TVP23B: variants seen among roughly 807,000 people sequenced by gnomAD.
The protein encoded by TVP23B is Golgi apparatus membrane protein TVP23 homolog B.
Under a neutral mutation model 30.6 loss-of-function variants are expected in TVP23B, and 10 were observed. That is an observed-to-expected ratio of 0.33 (90% confidence interval 0.20 to 0.55). The LOEUF (loss-of-function observed/expected upper bound fraction) is 0.55. Ranked by LOEUF, TVP23B falls within the 20% of genes least tolerant of loss-of-function variation. TVP23B has a pLI of 0.91. For missense variants in TVP23B, 153 were observed against 243.2 expected (o/e 0.63, Z 2.47); for synonymous variants, 67 against 83.1 (o/e 0.81, Z 1.06).
rs762889436 is a variant in TVP23B, at chr17:18,791,187, G to GTTTTTTTTTTTTTTT, written c.240+158_240+172dup. 5.5e-5 allele frequency: 6 copies of GTTTTTTTTTTTTTTT among 109,204 alleles called. 1 individual carries two copies. The highest frequency in any genetic ancestry group is 4.1e-4 in the Admixed American group (2 of 4,882). 6.8% of individuals were successfully genotyped at this position (109,204 alleles called of 1,614,324 possible). A position where few individuals can be genotyped will look rare whatever the true frequency, so the allele number is the denominator to read the frequency against. On this transcript the variant is annotated intron_variant, in intron 3 of 6. Transcript: ENST00000307767. ...TGCTAGATATATCAAATTGCATGTA[G>GTTTTTTTTTTTTTTT]TTTTTTTTTTTTTTTTTTTTTTTTT...
intron 5 of TVP23B, among the ~76,000 whole-genome samples, chr17:18,801,619 C>A (rs1350641330): frequency 6.6e-6 from 1 of 151,932 alleles, no homozygotes; most frequent in Non-Finnish European, 1.5e-5. Context: ...CTCTTGTCTG[C>A]TGGTTGGCTG....
At chr17:18,785,548 C>T (rs1005117647) in intron 1 of TVP23B, among the ~76,000 whole-genome samples, 16 of 151,884 alleles carry the variant, frequency 1.1e-4, no homozygotes, top group Non-Finnish European at 1.8e-4. Flanking sequence ...AAGAACCTGA[C>T]GGGGCCCAAG....
At chr17:18,802,123 G>A (rs2151852063) in intron 5 of TVP23B, among the ~76,000 whole-genome samples, 2 of 152,326 alleles carry the variant, frequency 1.3e-5, no homozygotes, top group East Asian at 3.9e-4. Flanking sequence ...TCGGGAGGCT[G>A]AGGCAGGAGA....
chr17:18,783,665 A>G (rs2035849357), intron 1 of TVP23B, among the ~76,000 whole-genome samples: 1 of 152,160 alleles, frequency 6.6e-6, no homozygotes, highest in Non-Finnish European at 1.5e-5. Flanking sequence ...ATATTCTTTT[A>G]TGATAATTGG....
chr17:18,791,013 G>T lies in TVP23B; in HGVS notation c.213G>T (p.Leu71Phe). 1.3e-6 allele frequency: 2 copies of T among 1,598,994 alleles called. No homozygotes were observed. The highest frequency in any genetic ancestry group is 8.5e-7 in the Non-Finnish European group (1 of 1,175,824). The change falls in exon 3 of 7, where the codon TTG (leucine) becomes TTT (phenylalanine). Residue 71 changes from leucine to phenylalanine, a missense_variant. By Grantham distance (22) the Leu-to-Phe change is conservative. This residue lies in a region of TVP23B where 53 missense variants were observed against 128.0 expected (regional missense o/e 0.41). Transcript: ENST00000307767. ...FITCMVTIIL[L>F]LSCDFWAVKN... ...CCTGTATGGTGACAATTATCTTGTTGTTGTCGTGTGACTTTTGGGCAGTGA... is the reference window on the plus strand; with the variant it reads ...CCTGTATGGTGACAATTATCTTGTTTTTGTCGTGTGACTTTTGGGCAGTGA...
At chr17:18,785,057 A>G (rs1301261441) in intron 1 of TVP23B, among the ~76,000 whole-genome samples, 1 of 152,162 alleles carries the variant, frequency 6.6e-6, no homozygotes, top group African/African-American at 2.4e-5. Flanking sequence ...AGACCAAGCC[A>G]TTACTTCTTG....
intron 4 of TVP23B, 130 bp downstream of exon 4, chr17:18,797,798 G>A (rs1399296466): frequency 5.7e-6 from 5 of 881,100 alleles, no homozygotes; most frequent in East Asian, 5.5e-5. Context: ...CAGCACTAAA[G>A]GAGATGGCCT....
At chr17:18,781,365 C>T (rs897803789) in intron 1 of TVP23B, 60 bp downstream of exon 1, 12 of 1,552,336 alleles carry the variant, frequency 7.7e-6, no homozygotes, top group Admixed American at 3.9e-5. Context: ...CTGCAGGTTC[C>T]GTGGGACTGG....
Position 18,805,569 on chromosome 17 carries a change from T to A in TVP23B, c.*2T>A. The A allele has an allele frequency of 6.2e-7, 1 of 1,606,652 alleles. No individual in the cohort carries two copies. Among genetic ancestry groups the A allele is most frequent in the South Asian group, 1.1e-5 (1 of 89,660 alleles). ...ACTGGAGATGATCAGACTTCCTGAATAGAGAAAGCTTATGTGCTTTGTTAC... is the reference window on the plus strand; with the variant it reads ...ACTGGAGATGATCAGACTTCCTGAAAAGAGAAAGCTTATGTGCTTTGTTAC... On this transcript the variant is annotated 3_prime_UTR_variant, in exon 7 of 7. Coordinates refer to ENST00000307767, the MANE Select transcript of TVP23B (RefSeq NM_016078.6).
intron 1 of TVP23B, among the ~76,000 whole-genome samples, chr17:18,786,121 C>A (rs1346181766): frequency 1.3e-5 from 2 of 152,212 alleles, no homozygotes; most frequent in Non-Finnish European, 2.9e-5. Flanking sequence ...TCATCACCTT[C>A]TCTCACTGAC....
chr17:18,803,438 A>G (rs2036198372), intron 5 of TVP23B, among the ~76,000 whole-genome samples: 1 of 152,198 alleles, frequency 6.6e-6, no homozygotes, highest in African/African-American at 2.4e-5. Flanking sequence ...AATCCCTCAC[A>G]TTGTCTCAAT....
At chr17:18,805,305 C>T (rs1254968866) in intron 6 of TVP23B, among the ~76,000 whole-genome samples, 1 of 151,898 alleles carries the variant, frequency 6.6e-6, no homozygotes, top group African/African-American at 2.4e-5. Flanking sequence ...AGGATGGTCT[C>T]GATCTCCTGA....
In TVP23B at chr17:18,804,281, G is replaced by A. The variant is rs2036215505; in HGVS notation, c.591+15G>A. On this transcript the variant is annotated intron_variant, in intron 6 of 6. Coordinates refer to ENST00000307767, the MANE Select transcript of TVP23B (RefSeq NM_016078.6). ...TTTTAAGACAAGTAAGTGTTTTCTG[G>A]ATGTGATCAGTGACTAATGCAATTA... is the stretch of plus-strand genomic sequence containing the variant. 1.3e-6 allele frequency: 2 copies of A among 1,596,112 alleles called. No individual in the cohort carries two copies. Among genetic ancestry groups the A allele is most frequent in the African/African-American group, 2.8e-5 (2 of 72,086 alleles).
chr17:18,805,509 GT>G (rs1567639211), intron 6 of TVP23B, 31 bp from the exon 7 acceptor site: 1 of 1,569,380 alleles, frequency 6.4e-7, no homozygotes, highest in Non-Finnish European at 8.6e-7. Context: ...TAACTTTGAT[GT>G]TAAGGAGTTT....
intron 5 of TVP23B, among the ~76,000 whole-genome samples, chr17:18,802,392 G>C (rs550195505): frequency 6.6e-6 from 1 of 151,992 alleles, no homozygotes; most frequent in East Asian, 1.9e-4. Flanking sequence ...TTCCCACCCG[G>C]TGGCACCACT....
chr17:18,781,562 A>T, intron 1 of TVP23B: 3 of 526,482 alleles, frequency 5.7e-6, no homozygotes, highest in Non-Finnish European at 9.6e-6. Context: ...AACCAGCGCG[A>T]GTGGGGGTCT....
chr17:18,804,064 C>T lies in TVP23B; in HGVS notation c.463-74C>T, dbSNP rs1489269166. ...CCTTCTCTTTCTCATGACAGTCTGC[C>T]TTGTCTCATTTATGGCACAGAGAAA... On this transcript the variant is annotated intron_variant, in intron 5 of 6. Transcript: ENST00000307767. The T allele has an allele frequency of 7.4e-5, 102 of 1,369,854 alleles. 1 individual carries two copies. Among genetic ancestry groups the T allele is most frequent in the Non-Finnish European group, 9.9e-5 (98 of 987,038 alleles). The allele number at this position is 1,369,854 out of a possible 1,614,324, so 84.9% of individuals were successfully genotyped here.
At chr17:18,789,079 T>C (rs910860770) in intron 1 of TVP23B, 1 of 424,214 alleles carries the variant, frequency 2.4e-6, no homozygotes, top group African/African-American at 2.0e-5. Context: ...TAAGTTGTAG[T>C]AGCCTCATCT....
chr17:18,793,671 A>G (rs1477347363), intron 3 of TVP23B, among the ~76,000 whole-genome samples: 1 of 152,058 alleles, frequency 6.6e-6, no homozygotes, highest in Non-Finnish European at 1.5e-5. Context: ...ACATTGGAGA[A>G]GATGGAGCAA....
Sources: allele counts gnomAD v4.1 joint callset (sites outside exome capture counted in the v4.1 genomes callset), GRCh38; gene constraint gnomAD v4.1.1; regional missense constraint gnomAD v4.1.1; transcripts MANE v1.5; gene names NCBI Gene and HGNC (gene_info 2026-07-23, HGNC 2026-07-21).